The following HSPA12A variants were observed in gnomAD, a reference collection of about 807,000 sequenced individuals.
HSPA12A encodes the protein heat shock 70 kDa protein 12A.
In HSPA12A, 28 loss-of-function variants were observed where a neutral mutation model predicts 69.2. The ratio of observed to expected loss-of-function variants is 0.40; its 90% confidence interval spans 0.30 to 0.55. The LOEUF (loss-of-function observed/expected upper bound fraction) is 0.55, where lower values mean the gene tolerates loss of function less well. Ranked by LOEUF, HSPA12A falls within the 20% of genes least tolerant of loss-of-function variation. The pLI, the probability that HSPA12A is intolerant of heterozygous loss-of-function variation, is 0.38. For synonymous variants in HSPA12A, 345 were observed against 370.5 expected (o/e 0.93, Z 0.79); for missense variants, 686 against 900.7 (o/e 0.76, Z 3.05).
chr10:116,796,341 GA>G (rs148237045), intron 2 of HSPA12A, among the ~76,000 whole-genome samples: 6,279 of 152,078 alleles, frequency 0.041, 445 homozygotes, highest in African/African-American at 0.14. Context: ...CTCCAAAAAT[GA>G]ACTCTAGACC....
chr10:116,768,574 T>C (rs1458515750), intron 2 of HSPA12A, among the ~76,000 whole-genome samples: 1 of 152,146 alleles, frequency 6.6e-6, no homozygotes, highest in Non-Finnish European at 1.5e-5. Flanking sequence ...AGAGGAGTGG[T>C]GCAATCATGG....
intron 2 of HSPA12A, among the ~76,000 whole-genome samples, chr10:116,753,559 C>G (rs1843755438): frequency 6.6e-6 from 1 of 152,188 alleles, no homozygotes; most frequent in Non-Finnish European, 1.5e-5. Context: ...CTGTCATAGA[C>G]CTGGAGTGGA....
intron 2 of HSPA12A, among the ~76,000 whole-genome samples, chr10:116,763,682 G>T (rs1297019680): frequency 1.3e-5 from 2 of 152,126 alleles, no homozygotes; most frequent in Admixed American, 6.6e-5. Flanking sequence ...AGACACAAAG[G>T]GGTCATTTTT....
chr10:116,757,394 G>A (rs566198225), intron 2 of HSPA12A, among the ~76,000 whole-genome samples: 184 of 152,270 alleles, frequency 1.2e-3, no homozygotes, highest in African/African-American at 4.1e-3. Flanking sequence ...ACCAGAAACC[G>A]TCCATGTAGG....
chr10:116,695,008 C>T (rs1456707247), intron 5 of HSPA12A, among the ~76,000 whole-genome samples: 1 of 152,106 alleles, frequency 6.6e-6, no homozygotes, highest in African/African-American at 2.4e-5. Context: ...TCCCCTGTCC[C>T]CTTGTCCCCT....
At chr10:116,842,223 A>T (rs1589736499) in intron 1 of HSPA12A, among the ~76,000 whole-genome samples, 2 of 152,340 alleles carry the variant, frequency 1.3e-5, no homozygotes, top group East Asian at 3.9e-4. Flanking sequence ...AAACAGGCAC[A>T]AAAGTCTCAG....
chr10:116,792,647 C>T (rs1313410707), intron 2 of HSPA12A, among the ~76,000 whole-genome samples: 1 of 144,516 alleles, frequency 6.9e-6, no homozygotes, highest in Non-Finnish European at 1.5e-5. Context: ...ATTAGCCAGG[C>T]ATGGTAGTGT....
intron 2 of HSPA12A, among the ~76,000 whole-genome samples, chr10:116,813,516 G>A (rs535892298): frequency 2.0e-5 from 3 of 151,870 alleles, no homozygotes; most frequent in African/African-American, 7.2e-5. Context: ...CAAAGTGCTG[G>A]GATTACAGGT....
intron 6 of HSPA12A, among the ~76,000 whole-genome samples, chr10:116,689,799 GA>G (rs59745092): frequency 0.23 from 33,265 of 146,820 alleles, 4,011 homozygotes; most frequent in East Asian, 0.38. Flanking sequence ...AAAGGCAGGG[GA>G]AAAAAAAAAA....
Position 116,750,226 on chromosome 10 carries a change from T to C in HSPA12A, c.92-42941A>G, listed in dbSNP as rs1554888198. On this transcript the variant is annotated intron_variant, in intron 2 of 12. Transcript: ENST00000635765. ...CTGGCCTGCTGCTGGCCTGCAGGCT[T>C]CTCAATAGGTCTGGCATGGGCAAGA... 1.8e-5 allele frequency: 14 copies of C among 760,198 alleles called. No homozygotes were observed. The East Asian group carries it at 3.5e-4, about 19-fold the overall frequency. The allele number at this position is 760,198 out of a possible 1,614,324, so 47.1% of individuals were successfully genotyped here.
intron 2 of HSPA12A, among the ~76,000 whole-genome samples, chr10:116,751,844 C>T (rs533946550): frequency 2.2e-4 from 34 of 152,254 alleles, no homozygotes; most frequent in African/African-American, 8.2e-4. Flanking sequence ...GACTCCTCCT[C>T]TGCTCTCTCC....
rs1401173130 is a variant in HSPA12A at position 116,724,024 on chromosome 10, CAG to C, written c.41-16741_41-16740del. Among the ~76,000 whole-genome samples the C allele has an allele frequency of 9.2e-5, 14 of 152,354 alleles. 1 individual carries two copies. The highest frequency in any genetic ancestry group is 3.4e-4 in the African/African-American group (14 of 41,588). ...AGCACTGGCCGGAACTTTAGAAAGA[CAG>C]AGTTTGGGCTACTTTTCAAGCAGCC... On this transcript the variant is annotated intron_variant, in intron 1 of 11. Transcript: ENST00000369209.
At chr10:116,717,642 T>C (rs1554883934) in intron 1 of HSPA12A, among the ~76,000 whole-genome samples, 3 of 152,110 alleles carry the variant, frequency 2.0e-5, no homozygotes, top group African/African-American at 4.8e-5. Context: ...ACCCGATACA[T>C]TATGGATGTT....
intron 2 of HSPA12A, among the ~76,000 whole-genome samples, chr10:116,804,954 C>T (rs1217903716): frequency 1.3e-5 from 2 of 152,160 alleles, no homozygotes; most frequent in African/African-American, 2.4e-5. Flanking sequence ...TGGGAAGGCA[C>T]GGATAGTGGG....
intron 1 of HSPA12A, among the ~76,000 whole-genome samples, chr10:116,844,117 A>C (rs1845843811): frequency 6.6e-6 from 1 of 152,202 alleles, no homozygotes; most frequent in Non-Finnish European, 1.5e-5. Flanking sequence ...GAGGCAGTGG[A>C]GCACAAGGGG....
At chr10:116,730,347 CCT>C (rs1851111655) in intron 1 of HSPA12A, among the ~76,000 whole-genome samples, 2 of 152,196 alleles carry the variant, frequency 1.3e-5, no homozygotes, top group Non-Finnish European at 2.9e-5. Flanking sequence ...AGGTTGAATA[CCT>C]TGGTGAGGTC....
At chr10:116,693,047 A>G (rs1849779832) in intron 5 of HSPA12A, among the ~76,000 whole-genome samples, 2 of 152,184 alleles carry the variant, frequency 1.3e-5, no homozygotes, top group Non-Finnish European at 2.9e-5. Flanking sequence ...GCCAAAATTT[A>G]GACCCAAAGC....
Position 116,671,687 on chromosome 10 carries a change from G to A in HSPA12A, c.*3094C>T, listed in dbSNP as rs1849084030. 1 of 152,602 alleles carries A rather than the reference G, an allele frequency of 6.6e-6. No individual in the cohort carries two copies. The highest frequency in any genetic ancestry group is 1.5e-5 in the Non-Finnish European group (1 of 68,038). The allele number at this position is 152,602 out of a possible 1,614,324, so 9.5% of individuals were successfully genotyped here. On this transcript the variant is annotated 3_prime_UTR_variant, in exon 12 of 12. Transcript: ENST00000369209. Reference sequence around the variant, plus strand: ...CTCTTTCCCCTCCTGTCTGTAACTTGTCTGTTACTCAGCATTTATTCATGC... The same window carrying A: ...CTCTTTCCCCTCCTGTCTGTAACTTATCTGTTACTCAGCATTTATTCATGC...
chr10:116,757,367 A>G (rs967072669), intron 2 of HSPA12A, among the ~76,000 whole-genome samples: 6 of 152,186 alleles, frequency 3.9e-5, no homozygotes, highest in Admixed American at 3.9e-4. Context: ...GACAGGGCTG[A>G]TGATCAAAAT....
Sources: allele counts gnomAD v4.1 joint callset (sites outside exome capture counted in the v4.1 genomes callset), GRCh38; gene constraint gnomAD v4.1.1; transcripts MANE v1.5; gene names NCBI Gene and HGNC (gene_info 2026-07-23, HGNC 2026-07-21).